Variants in NPLOC4 observed in about 807,000 individuals in gnomAD.
The protein encoded by NPLOC4 is NPL4 homolog, ubiquitin recognition factor.
A neutral mutation model predicts 80.6 loss-of-function variants in NPLOC4; 18 were observed. The ratio of observed to expected loss-of-function variants is 0.22; its 90% CI spans 0.15 to 0.33. The LOEUF (loss-of-function observed/expected upper bound fraction) is 0.33. NPLOC4 is among the 10% of genes least tolerant of loss of function. NPLOC4 has a pLI of 1.00. For missense variants in NPLOC4, 540 were observed against 786.1 expected (o/e 0.69, Z 3.74); for synonymous variants, 313 against 301.5 (o/e 1.04, Z -0.39).
chr17:81,615,885 T>TG (rs1204270929), intron 3 of NPLOC4, among the ~76,000 whole-genome samples: 1 of 152,194 alleles, frequency 6.6e-6, no homozygotes, highest in Admixed American at 6.5e-5. Flanking sequence ...AAAGGCCTGC[T>TG]GGGCCATGCA....
In NPLOC4 at chr17:81,580,563, C is replaced by T. The variant is rs1396494967; in HGVS notation, c.1281+8381G>A. ...TGCTTATCACTCTCTGTGTGGGGAA[C>T]AGGCTGCTGCCTCTGTCTGAACAAT... On this transcript the variant is annotated intron_variant, in intron 12 of 16. Coordinates refer to ENST00000331134, the MANE Select transcript of NPLOC4 (RefSeq NM_017921.4). This position sits in a 1 kb window ranked among gnomAD's most constrained non-coding sequence, Gnocchi z 4.4. Among the ~76,000 whole-genome samples, 1 of 152,150 alleles carries T rather than the reference C, an allele frequency of 6.6e-6. No individual in the cohort carries two copies. Among genetic ancestry groups the T allele is most frequent in the Non-Finnish European group, 1.5e-5 (1 of 68,024 alleles).
intron 12 of NPLOC4, among the ~76,000 whole-genome samples, chr17:81,576,514 C>T (rs1188071893): frequency 6.6e-6 from 1 of 152,172 alleles, no homozygotes; most frequent in African/African-American, 2.4e-5. Context: ...AACCAATCCT[C>T]TGTGTCAACT....
At chr17:81,627,983 C>CTG (rs1199701323) in intron 2 of NPLOC4, among the ~76,000 whole-genome samples, 1 of 151,810 alleles carries the variant, frequency 6.6e-6, no homozygotes, top group African/African-American at 2.4e-5. Context: ...GAGGCCAAGG[C>CTG]GGGCAGATCA....
chr17:81,579,147 G>A (rs2034373386), intron 12 of NPLOC4, among the ~76,000 whole-genome samples: 1 of 152,218 alleles, frequency 6.6e-6, no homozygotes, highest in Non-Finnish European at 1.5e-5. Flanking sequence ...GGCAAGGCAG[G>A]TGGATTACTT....
intron 16 of NPLOC4, among the ~76,000 whole-genome samples, chr17:81,559,836 G>A (rs367697592): frequency 9.3e-4 from 140 of 149,852 alleles, no homozygotes; most frequent in Middle Eastern, 3.4e-3. Flanking sequence ...GGGTTCAAGC[G>A]GTTTTCCTGC....
intron 15 of NPLOC4, among the ~76,000 whole-genome samples, chr17:81,565,962 A>T (rs2033999115): frequency 6.6e-6 from 1 of 152,020 alleles, no homozygotes. Flanking sequence ...CTCACATTTC[A>T]TCCCTCTGCC....
Position 81,589,132 on chromosome 17 carries a change from T to C in NPLOC4, c.1121-28A>G, listed in dbSNP as rs780887444. The C allele has an allele frequency of 3.1e-6, 5 of 1,598,044 alleles. No individual in the cohort carries two copies. In the African/African-American group the frequency reaches 5.4e-5, roughly 17 times the overall value. On this transcript the variant is annotated intron_variant, in intron 11 of 16. Transcript: ENST00000331134. ...GCAAGAGAGAGACCTTTAAAAAGAG[T>C]CTACCAAACGGCATTCAAAACCAGT...
intron 11 of NPLOC4, among the ~76,000 whole-genome samples, chr17:81,590,237 C>A (rs2034702489): frequency 6.6e-6 from 1 of 152,324 alleles, no homozygotes; most frequent in South Asian, 2.1e-4. Context: ...ATGGTTTCAC[C>A]CTCCACACTG....
chr17:81,624,921 C>T (rs544891476), intron 2 of NPLOC4, among the ~76,000 whole-genome samples: 351 of 152,252 alleles, frequency 2.3e-3, no homozygotes, highest in Non-Finnish European at 3.0e-3. Flanking sequence ...ATGAGGCTGG[C>T]GAGGCAGACA....
At chr17:81,583,674 C>T (rs2034500591) in intron 12 of NPLOC4, among the ~76,000 whole-genome samples, 1 of 152,142 alleles carries the variant, frequency 6.6e-6, no homozygotes, top group Non-Finnish European at 1.5e-5. Context: ...AATCACTTCT[C>T]CAAGGCCAGC....
At chr17:81,615,342 C>G (rs940115153) in intron 3 of NPLOC4, among the ~76,000 whole-genome samples, 5 of 152,070 alleles carry the variant, frequency 3.3e-5, no homozygotes, top group Admixed American at 6.6e-5. Context: ...TCAGGTGATC[C>G]ACCTGCCTCG....
At chr17:81,629,358 A>G (rs1229547049) in intron 2 of NPLOC4, among the ~76,000 whole-genome samples, 1 of 150,276 alleles carries the variant, frequency 6.7e-6, no homozygotes, top group East Asian at 2.0e-4. Flanking sequence ...CGCCCGACTA[A>G]TTTTTGTATT....
chr17:81,634,063 G>A (rs1266003433), intron 1 of NPLOC4, among the ~76,000 whole-genome samples: 1 of 151,784 alleles, frequency 6.6e-6, no homozygotes, highest in Non-Finnish European at 1.5e-5. Context: ...GTAGACGTGG[G>A]GTTTCACCGT....
At chr17:81,594,398 A>G (rs1468906411) in intron 11 of NPLOC4, among the ~76,000 whole-genome samples, 1 of 151,848 alleles carries the variant, frequency 6.6e-6, no homozygotes, top group African/African-American at 2.4e-5. Context: ...CAAAAAGTAT[A>G]TTCATTTCAA....
chr17:81,618,514 C>T (rs1280406444), intron 3 of NPLOC4, among the ~76,000 whole-genome samples: 3 of 148,520 alleles, frequency 2.0e-5, no homozygotes, highest in African/African-American at 7.5e-5. Flanking sequence ...CCCGGCCAGC[C>T]GCCCCGTCCG....
At chr17:81,631,676 G>A (rs987545118) in intron 1 of NPLOC4, among the ~76,000 whole-genome samples, 2 of 152,102 alleles carry the variant, frequency 1.3e-5, no homozygotes, top group Non-Finnish European at 2.9e-5. Context: ...TCCGCGGGAC[G>A]GGAAGGAAGG....
chr17:81,632,848 T>G (rs771498243), intron 1 of NPLOC4, among the ~76,000 whole-genome samples: 1 of 152,178 alleles, frequency 6.6e-6, no homozygotes, highest in Non-Finnish European at 1.5e-5. Flanking sequence ...AGGATAACCC[T>G]GTCCTGCATT....
At chr17:81,615,711 C>A (rs1355655518) in intron 3 of NPLOC4, among the ~76,000 whole-genome samples, 1 of 152,160 alleles carries the variant, frequency 6.6e-6, no homozygotes, top group African/African-American at 2.4e-5. Flanking sequence ...CCAGAGGGGG[C>A]AGCTGAGTCC....
intron 12 of NPLOC4, among the ~76,000 whole-genome samples, chr17:81,579,519 C>G (rs72855663): frequency 0.14 from 21,746 of 152,080 alleles, 1,850 homozygotes; most frequent in Admixed American, 0.23. Context: ...TCCAGCCTCC[C>G]CCTTCAGCTG....
Sources: gnomAD v4.1 joint callset for allele counts (sites outside exome capture counted in the v4.1 genomes callset) on GRCh38, gnomAD v4.1.1 for gene constraint, Gnocchi (gnomAD v3.1) non-coding constraint, MANE v1.5 for transcripts, NCBI Gene and HGNC (gene_info 2026-07-23, HGNC 2026-07-21) for gene names.